Variants in AKT3 observed in about 807,000 individuals in gnomAD.
AKT3 encodes the protein AKT serine/threonine kinase 3.
AKT3 carries 15 observed loss-of-function variants against 65.3 expected under a neutral mutation model. The observed-to-expected ratio is 0.23, with a 90% CI of 0.15 to 0.35. AKT3 has a LOEUF of 0.35. Among genes scored for constraint, AKT3 ranks in the 10% least tolerant of loss-of-function variants. The pLI, the probability that AKT3 is intolerant of heterozygous loss-of-function variation, is 1.00. For missense variants in AKT3, 243 were observed against 576.5 expected (o/e 0.42, Z 5.92); for synonymous variants, 206 against 183.8 (o/e 1.12, Z -0.98).
At chr1:243,829,243 C>A (rs1446383462) in intron 2 of AKT3, among the ~76,000 whole-genome samples, 1 of 151,656 alleles carries the variant, frequency 6.6e-6, no homozygotes, top group Non-Finnish European at 1.5e-5. Context: ...AGGAATCACA[C>A]GATACCCTAT....
At position 243,526,778 on chromosome 1, in the gene AKT3, T is replaced by TAAAAAAAAAAAAAAAAAAAA. The variant is rs1671117704; in HGVS notation, c.1252-14353_1252-14352insTTTTTTTTTTTTTTTTTTTT. On this transcript the variant is annotated intron_variant, in intron 12 of 13. Transcript: ENST00000673466. ...TTGCCAGCTGCACTACAAAAAATGG[T>TAAAAAAAAAAAAAAAAAAAA]TAAAAAAAAAAAAAAAAAAAAAAAA... 1.8e-4 allele frequency among the ~76,000 whole-genome samples: 10 copies of TAAAAAAAAAAAAAAAAAAAA among 55,726 alleles called. 1 individual carries two copies. Among genetic ancestry groups the TAAAAAAAAAAAAAAAAAAAA allele is most frequent in the African/African-American group, 2.4e-4 (4 of 16,498 alleles). 36.6% of individuals were successfully genotyped at this position (55,726 alleles called of 152,430 possible).
intron 6 of AKT3, among the ~76,000 whole-genome samples, chr1:243,627,558 C>T (rs1679274324): frequency 1.3e-5 from 2 of 152,164 alleles, no homozygotes; most frequent in African/African-American, 4.8e-5. Flanking sequence ...ATATACTACA[C>T]TGATGACATT....
intron 11 of AKT3, among the ~76,000 whole-genome samples, chr1:243,552,298 A>AAAAG (rs1673136210): frequency 6.7e-6 from 1 of 149,914 alleles, no homozygotes; most frequent in Admixed American, 6.6e-5. Context: ...CAAAAAAAAA[A>AAAAG]AAAAAAAAAA....
chr1:243,709,497 A>G (rs1686014724), intron 2 of AKT3, among the ~76,000 whole-genome samples: 1 of 151,942 alleles, frequency 6.6e-6, no homozygotes, highest in South Asian at 2.1e-4. Context: ...CTCAGGAACT[A>G]TGCCATTATT....
At chr1:243,718,547 T>G (rs935386157) in intron 2 of AKT3, among the ~76,000 whole-genome samples, 1 of 152,128 alleles carries the variant, frequency 6.6e-6, no homozygotes, top group Non-Finnish European at 1.5e-5. Flanking sequence ...CCTCCTGGAT[T>G]CAAGTGATTC....
intron 2 of AKT3, among the ~76,000 whole-genome samples, chr1:243,796,846 G>A (rs1156553296): frequency 6.6e-6 from 1 of 152,062 alleles, no homozygotes; most frequent in South Asian, 2.1e-4. Context: ...GGATGAACCT[G>A]GAAAACACTA....
rs56956606 is a variant in AKT3, at chr1:243,527,870, AAC to A, written c.1252-15446_1252-15445del. On this transcript the variant is annotated intron_variant, in intron 12 of 13. Transcript: ENST00000673466. ...ATTACAGCAAGACTCCATCTCTTAA[AAC>A]ACACACACACACACACACACACACA... Among the ~76,000 whole-genome samples, 477 of 99,250 alleles carry A rather than the reference AAC, an allele frequency of 4.8e-3. 2 individuals carry two copies. Among genetic ancestry groups the A allele is most frequent in the South Asian group, 7.3e-3 (19 of 2,614 alleles). The allele number at this position is 99,250 out of a possible 152,430, so 65.1% of individuals were successfully genotyped here.
chr1:243,699,512 T>TAA (rs1685303486), intron 2 of AKT3, among the ~76,000 whole-genome samples: 1 of 126,602 alleles, frequency 7.9e-6, no homozygotes, highest in African/African-American at 3.3e-5. Context: ...TATATATATA[T>TAA]AATCTTCATG....
chr1:243,730,360 C>T (rs1687474267), intron 2 of AKT3, among the ~76,000 whole-genome samples: 1 of 152,200 alleles, frequency 6.6e-6, no homozygotes, highest in Non-Finnish European at 1.5e-5. Context: ...TTCCAGTTGT[C>T]CACGTAACCT....
chr1:243,759,175 C>T (rs944145244), intron 2 of AKT3, among the ~76,000 whole-genome samples: 3 of 152,008 alleles, frequency 2.0e-5, no homozygotes, highest in African/African-American at 4.8e-5. Context: ...ATTAGCTGGG[C>T]GTGGTGGTGT....
intron 3 of AKT3, among the ~76,000 whole-genome samples, chr1:243,693,766 T>C (rs1255893647): frequency 6.6e-6 from 1 of 152,158 alleles, no homozygotes; most frequent in Non-Finnish European, 1.5e-5. Flanking sequence ...GAATTGAAGA[T>C]TGCGGTAAGT....
intron 2 of AKT3, 109 bp from the exon 3 acceptor site, chr1:243,695,825 T>C: frequency 4.3e-6 from 4 of 925,074 alleles, no homozygotes; most frequent in Non-Finnish European, 5.7e-6. Context: ...CCTCCAAAAA[T>C]TTAGTTACTC....
rs772695978 is a variant in AKT3, at chr1:243,848,654, C to CT, written c.-113+1385dup. On this transcript the variant is annotated intron_variant, in intron 1 of 13. Transcript: ENST00000673466. The stretch of plus-strand genomic sequence containing the variant: ...CTACTAAAAGACATATATGACCATG[C>CT]TTTACCAAATACGGAACACATGTCT... 5.6e-4 allele frequency among the ~76,000 whole-genome samples: 86 copies of CT among 152,320 alleles called. 1 individual carries two copies. The highest frequency in any genetic ancestry group is 3.4e-3 in the Middle Eastern group (1 of 294).
chr1:243,672,689 A>C (rs1296766540), intron 3 of AKT3, among the ~76,000 whole-genome samples: 2 of 152,236 alleles, frequency 1.3e-5, no homozygotes, highest in Non-Finnish European at 2.9e-5. Context: ...TTGAATTTGA[A>C]GTCACGATAT....
upstream of AKT3, among the ~76,000 whole-genome samples, chr1:243,850,460 C>T (rs1695732752): frequency 6.6e-6 from 1 of 151,260 alleles, no homozygotes; most frequent in South Asian, 2.1e-4. Flanking sequence ...GGGGCGGCGG[C>T]TCTGGGCCCC....
At chr1:243,724,528 T>C (rs1687098107) in intron 2 of AKT3, among the ~76,000 whole-genome samples, 1 of 152,178 alleles carries the variant, frequency 6.6e-6, no homozygotes, top group South Asian at 2.1e-4. Flanking sequence ...TTAATGTTTA[T>C]TTATTTCCAT....
intron 2 of AKT3, among the ~76,000 whole-genome samples, chr1:243,714,623 A>G (rs1467727467): frequency 6.6e-6 from 1 of 152,178 alleles, no homozygotes; most frequent in Non-Finnish European, 1.5e-5. Flanking sequence ...TAGGAAAAGA[A>G]ATTCTGTCAT....
chr1:243,699,465 C>CTATATATATATATATATATA (rs58911364), intron 2 of AKT3, among the ~76,000 whole-genome samples: 10 of 103,602 alleles, frequency 9.7e-5, no homozygotes, highest in African/African-American at 2.0e-4. Flanking sequence ...ACCTCTTCCA[C>CTATATATATATATATATATA]TATATATATA....
At chr1:243,571,180 G>C (rs1674534882) in intron 9 of AKT3, among the ~76,000 whole-genome samples, 1 of 152,180 alleles carries the variant, frequency 6.6e-6, no homozygotes, top group African/African-American at 2.4e-5. Context: ...AGCTGGGCGT[G>C]GTGGCACATG....
Sources: gnomAD v4.1 joint callset for allele counts (sites outside exome capture counted in the v4.1 genomes callset) on GRCh38, gnomAD v4.1.1 for gene constraint, MANE v1.5 for transcripts, NCBI Gene and HGNC (gene_info 2026-07-23, HGNC 2026-07-21) for gene names.